The following IQSEC1 variants were observed in gnomAD, a reference collection of about 807,000 sequenced individuals.
IQSEC1 encodes the protein IQ motif and SEC7 domain-containing protein 1.
In IQSEC1, 31 loss-of-function variants were observed where a neutral mutation model predicts 91.0. The ratio of observed to expected loss-of-function variants is 0.34; its 90% CI spans 0.26 to 0.46. The LOEUF is 0.46. Among genes scored for constraint, IQSEC1 ranks in the 20% least tolerant of loss-of-function variants. The pLI is 1.00. For synonymous variants in IQSEC1, 699 were observed against 662.6 expected (o/e 1.05, Z -0.84); for missense variants, 1,388 against 1,575.6 (o/e 0.88, Z 2.02).
intron 2 of IQSEC1, among the ~76,000 whole-genome samples, chr3:13,124,869 C>T (rs1231059983): frequency 1.3e-5 from 2 of 152,152 alleles, no homozygotes. Flanking sequence ...AGTCGTTCAG[C>T]ATTATGGTGA....
intron 1 of IQSEC1, among the ~76,000 whole-genome samples, chr3:13,275,934 G>A (rs908164366): frequency 2.0e-5 from 3 of 152,222 alleles, no homozygotes; most frequent in African/African-American, 7.2e-5. Flanking sequence ...AAGGACGGAG[G>A]GGCATGGAAC....
At chr3:12,916,373 A>T (rs1575892506) in intron 6 of IQSEC1, among the ~76,000 whole-genome samples, 1 of 152,114 alleles carries the variant, frequency 6.6e-6, no homozygotes, top group Non-Finnish European at 1.5e-5. Flanking sequence ...CTGGGCTCTG[A>T]CCCGGGGCTG....
chr3:13,226,633 T>C (rs1242833101), intron 1 of IQSEC1, among the ~76,000 whole-genome samples: 2 of 151,282 alleles, frequency 1.3e-5, no homozygotes, highest in Admixed American at 1.3e-4. Flanking sequence ...ATCAACCCAG[T>C]AAGTGGGCAC....
At position 13,275,620 on chromosome 3, in the gene IQSEC1, A is replaced by G. The variant is rs888179036; in HGVS notation, c.272+7091T>C. Among the ~76,000 whole-genome samples, 4 of 152,230 alleles carry G rather than the reference A, an allele frequency of 2.6e-5. No individual in the cohort carries two copies. In the East Asian group the frequency reaches 7.7e-4, roughly 29 times the overall value. On this transcript the variant is annotated intron_variant, in intron 1 of 15. Transcript: ENST00000648114. The stretch of plus-strand genomic sequence containing the variant: ...CCAGCTCAAAGGTACGTCCTCCAGG[A>G]AGCCTCTGCTGACACCCGTGGGTGG...
At chr3:13,162,872 G>A (rs1163200875) in intron 2 of IQSEC1, among the ~76,000 whole-genome samples, 1 of 151,894 alleles carries the variant, frequency 6.6e-6, no homozygotes, top group Non-Finnish European at 1.5e-5. Context: ...CCAGACCCTA[G>A]CCTTTGTCCA....
chr3:13,009,765 T>C (rs537610600), intron 1 of IQSEC1, among the ~76,000 whole-genome samples: 4 of 151,598 alleles, frequency 2.6e-5, no homozygotes, highest in East Asian at 3.9e-4. Flanking sequence ...AAGCTGACAG[T>C]GCGTTGAGAG....
chr3:12,935,958 C>T lies in IQSEC1; in HGVS notation c.1058G>A (p.Arg353Gln), dbSNP rs755555955. ...CTCCACCCGCAGCCGCTGCTCCTGCCGCTCCAGCGACGGCGTGCTCCGGCA... is the reference window on the plus strand; with the variant it reads ...CTCCACCCGCAGCCGCTGCTCCTGCTGCTCCAGCGACGGCGTGCTCCGGCA... ...TSCRSTPSLERQEQRLRVEHL... is the reference protein window; with the variant it reads ...TSCRSTPSLEQQEQRLRVEHL... The change falls in exon 3 of 14, where the codon CGG becomes CAG. Residue 353 changes from arginine to glutamine, a missense_variant. Physicochemically the swap from Arg to Gln is conservative, Grantham distance 43. Transcript: ENST00000613206. The surrounding 1 kb of genome is among the most constrained non-coding windows in gnomAD (Gnocchi z 8.0). The T allele has an allele frequency of 1.6e-5, 25 of 1,599,000 alleles. No homozygotes were observed. Among genetic ancestry groups the T allele is most frequent in the Admixed American group, 8.3e-5 (5 of 59,950 alleles).
At chr3:13,050,738 G>A (rs1331744964) in intron 1 of IQSEC1, among the ~76,000 whole-genome samples, 1 of 152,244 alleles carries the variant, frequency 6.6e-6, no homozygotes, top group Non-Finnish European at 1.5e-5. Context: ...CATTTAAAAG[G>A]CTTAAAACAG....
chr3:13,059,383 C>A (rs1212435376), intron 1 of IQSEC1, among the ~76,000 whole-genome samples: 1 of 152,192 alleles, frequency 6.6e-6, no homozygotes, highest in Non-Finnish European at 1.5e-5. Flanking sequence ...GCAGCTGCCT[C>A]GGCCTCCCCA....
At chr3:13,190,567 A>AAAAAAAAAG (rs1694006311) in intron 1 of IQSEC1, among the ~76,000 whole-genome samples, 1 of 151,762 alleles carries the variant, frequency 6.6e-6, no homozygotes. Flanking sequence ...AAAAAAAAAA[A>AAAAAAAAAG]CAGATAAAGT....
intron 1 of IQSEC1, among the ~76,000 whole-genome samples, chr3:12,972,313 A>C (rs534722511): frequency 4.0e-5 from 6 of 150,884 alleles, no homozygotes; most frequent in East Asian, 1.9e-4. Context: ...TCCTGTCACA[A>C]AAAAAAAAGC....
At chr3:13,058,364 G>A (rs1407208262) in intron 1 of IQSEC1, among the ~76,000 whole-genome samples, 2 of 152,362 alleles carry the variant, frequency 1.3e-5, no homozygotes, top group East Asian at 3.9e-4. Context: ...GGGCATGAAG[G>A]TTAGGAGAGG....
intron 1 of IQSEC1, among the ~76,000 whole-genome samples, chr3:13,245,044 C>T (rs535381142): frequency 6.6e-6 from 1 of 152,204 alleles, no homozygotes; most frequent in African/African-American, 2.4e-5. Context: ...TGCCCCAAAA[C>T]TTGATGGCTT....
At position 13,214,962 on chromosome 3, in the gene IQSEC1, G is replaced by A. The variant is rs1694516658; in HGVS notation, c.273-50829C>T. Among the ~76,000 whole-genome samples, 2 of 152,196 alleles carry A rather than the reference G, an allele frequency of 1.3e-5. No individual in the cohort carries two copies. The highest frequency in any genetic ancestry group is 4.8e-5 in the African/African-American group (2 of 41,462). On this transcript the variant is annotated intron_variant, in intron 1 of 15. Transcript: ENST00000648114. The surrounding 1 kb of genome is among the most constrained non-coding windows in gnomAD (Gnocchi z 4.5). ...ACTGCACCCATAAGTAGAATCTTGA[G>A]CCCTGTGCCTGACCTAGACTAGGCC... is the stretch of plus-strand genomic sequence containing the variant.
At chr3:13,104,471 C>T (rs1208569049) in intron 2 of IQSEC1, among the ~76,000 whole-genome samples, 4 of 152,184 alleles carry the variant, frequency 2.6e-5, no homozygotes, top group African/African-American at 9.7e-5. Flanking sequence ...CATTCACAGC[C>T]ATGATGTTGT....
At chr3:13,018,856 G>A (rs536818144) in intron 1 of IQSEC1, among the ~76,000 whole-genome samples, 38 of 152,292 alleles carry the variant, frequency 2.5e-4, no homozygotes, top group African/African-American at 7.2e-4. Flanking sequence ...TAAGAGTCAC[G>A]TCCACGGTAG....
At position 12,902,670 on chromosome 3, in the gene IQSEC1, C is replaced by CAAAAAAAAAA. The variant is rs1213830618; in HGVS notation, c.2805+93_2805+102dup. On this transcript the variant is annotated intron_variant, in intron 13 of 13. Coordinates refer to ENST00000613206, the MANE Select transcript of IQSEC1 (RefSeq NM_001134382.3). Reference sequence around the variant, plus strand: ...AAAAAAAAAACAACAAAAAAAAAACCAAAAAAAAAAAAAAAAAAAAAAAAC... The same window carrying CAAAAAAAAAA: ...AAAAAAAAAACAACAAAAAAAAAACCAAAAAAAAAAAAAAAAAAAAAAAAAAAAAAAAAAC... 43 of 192,636 alleles carry CAAAAAAAAAA rather than the reference C, an allele frequency of 2.2e-4. 2 individuals are homozygous for CAAAAAAAAAA. The highest frequency in any genetic ancestry group is 5.1e-4 in the South Asian group (10 of 19,686). 11.9% of individuals were successfully genotyped at this position (192,636 alleles called of 1,614,324 possible).
intron 1 of IQSEC1, among the ~76,000 whole-genome samples, chr3:12,995,953 A>G (rs1296187924): frequency 6.6e-6 from 1 of 152,204 alleles, no homozygotes; most frequent in Non-Finnish European, 1.5e-5. Flanking sequence ...CTGAGGTGGA[A>G]GGATCACTTG....
At chr3:12,905,512 G>A (rs1287592707) in intron 12 of IQSEC1, among the ~76,000 whole-genome samples, 1 of 152,272 alleles carries the variant, frequency 6.6e-6, no homozygotes, top group Non-Finnish European at 1.5e-5. Flanking sequence ...CTGGGGAAAC[G>A]GGCCCACAGG....
Sources: gnomAD v4.1 joint callset for allele counts (sites outside exome capture counted in the v4.1 genomes callset) on GRCh38, gnomAD v4.1.1 for gene constraint, Gnocchi (gnomAD v3.1) non-coding constraint, MANE v1.5 for transcripts, NCBI Gene and HGNC (gene_info 2026-07-23, HGNC 2026-07-21) for gene names.